The following DSCAM variants were observed in gnomAD, a reference collection of about 807,000 sequenced individuals.
DSCAM encodes the protein DS cell adhesion molecule.
DSCAM carries 47 observed loss-of-function variants against 217.7 expected under a neutral mutation model. The observed-to-expected ratio is 0.22, with a 90% confidence interval of 0.17 to 0.28. DSCAM has a LOEUF of 0.28. Ranked by LOEUF, DSCAM falls within the 10% of genes least tolerant of loss-of-function variation. The probability of loss-of-function intolerance (pLI) is 1.00; values close to 1 mark genes in which losing one functional copy is unlikely to be tolerated. For missense variants in DSCAM, 2,080 were observed against 2,618.3 expected (o/e 0.79, Z 4.49); for synonymous variants, 1,056 against 1,015.3 (o/e 1.04, Z -0.76).
chr21:40,169,002 T>C lies in DSCAM; in HGVS notation c.2948-1714A>G, dbSNP rs902674970. Among the ~76,000 whole-genome samples the C allele has an allele frequency of 2.8e-4, 43 of 152,232 alleles. 1 individual carries two copies. The East Asian group carries it at 4.1e-3, about 14-fold the overall frequency. On this transcript the variant is annotated intron_variant, in intron 15 of 32. Transcript: ENST00000400454. The stretch of plus-strand genomic sequence containing the variant: ...TAAGAAATCATAATCATAATATAAT[T>C]ATCATTAAGTGTTTGTAAATAGGGG...
In DSCAM at chr21:40,082,881, ACT is replaced by A. The variant is rs150966919; in HGVS notation, c.4231+1025_4231+1026del. Among the ~76,000 whole-genome samples the A allele has an allele frequency of 4.0e-4, 61 of 151,836 alleles. 2 individuals carry two copies. The East Asian group carries it at 0.012, about 30-fold the overall frequency. ...AAGCTGGGAAGGGATGTGGCACCTC[ACT>A]CTCGGAGCTGGAAGGAGCTGCTCCA... On this transcript the variant is annotated intron_variant, in intron 24 of 32. Coordinates refer to ENST00000400454, the MANE Select transcript of DSCAM (RefSeq NM_001389.5).
chr21:40,241,276 T>C (rs1029962823), intron 11 of DSCAM, among the ~76,000 whole-genome samples: 3 of 152,104 alleles, frequency 2.0e-5, no homozygotes, highest in Non-Finnish European at 4.4e-5. Context: ...TATAGGAATG[T>C]AAACAAATTT....
At chr21:40,404,789 C>T (rs1282972500) in intron 3 of DSCAM, among the ~76,000 whole-genome samples, 6 of 152,186 alleles carry the variant, frequency 3.9e-5, no homozygotes, top group Non-Finnish European at 7.3e-5. Context: ...CTAGGAAAGT[C>T]TCCTCAGTTT....
At chr21:40,658,874 A>G (rs1328926944) in intron 3 of DSCAM, among the ~76,000 whole-genome samples, 1 of 152,196 alleles carries the variant, frequency 6.6e-6, no homozygotes, top group Non-Finnish European at 1.5e-5. Context: ...TAAATTTAAG[A>G]CATTAGTCTT....
chr21:40,139,130 T>A (rs750861297), intron 18 of DSCAM, among the ~76,000 whole-genome samples: 34 of 150,940 alleles, frequency 2.3e-4, no homozygotes, highest in Admixed American at 4.6e-4. Context: ...ATGTGTGGTG[T>A]GTACATGTGG....
intron 1 of DSCAM, among the ~76,000 whole-genome samples, chr21:40,771,661 G>A (rs750634571): frequency 8.5e-5 from 13 of 152,206 alleles, no homozygotes; most frequent in Non-Finnish European, 1.5e-4. Context: ...TCAAGAGCCA[G>A]CGAAAGGAAG....
At chr21:40,366,399 T>G (rs1057442772) in intron 4 of DSCAM, among the ~76,000 whole-genome samples, 3 of 152,166 alleles carry the variant, frequency 2.0e-5, no homozygotes, top group African/African-American at 7.2e-5. Context: ...TCTGATGTGT[T>G]CCCTGTCATT....
In DSCAM at chr21:40,135,105, T is replaced by A. The variant is rs986540845; in HGVS notation, c.3407-1096A>T. ...TTTGGCTGATGGGTTTTGAAATGAG[T>A]CGCCTTCAGAGCATGAGAAGGGCCT... On this transcript the variant is annotated intron_variant, in intron 18 of 32. Transcript: ENST00000400454. Among the ~76,000 whole-genome samples, 3 of 152,256 alleles carry A rather than the reference T, an allele frequency of 2.0e-5. No homozygotes were observed. The South Asian group carries it at 6.2e-4, about 32-fold the overall frequency.
intron 5 of DSCAM, among the ~76,000 whole-genome samples, chr21:40,350,303 A>C (rs1040615443): frequency 4.6e-5 from 7 of 152,216 alleles, no homozygotes; most frequent in African/African-American, 1.7e-4. Flanking sequence ...TAATTAAACT[A>C]ATAAGCTTCT....
At chr21:40,846,396 A>G (rs2092145319) in intron 1 of DSCAM, among the ~76,000 whole-genome samples, 1 of 152,060 alleles carries the variant, frequency 6.6e-6, no homozygotes, top group Admixed American at 6.6e-5. Flanking sequence ...AGCGCCTTCC[A>G]ATGATTACAG....
intron 3 of DSCAM, among the ~76,000 whole-genome samples, chr21:40,422,548 A>G (rs1006563994): frequency 2.0e-5 from 3 of 152,198 alleles, no homozygotes; most frequent in Non-Finnish European, 4.4e-5. Flanking sequence ...AGGCTGAGGC[A>G]GGAGAATTGC....
intron 1 of DSCAM, among the ~76,000 whole-genome samples, chr21:40,710,807 C>T (rs2090771700): frequency 6.6e-6 from 1 of 152,202 alleles, no homozygotes; most frequent in African/African-American, 2.4e-5. Flanking sequence ...AAAGCAGGTG[C>T]ATACCTAGTT....
At chr21:40,584,013 A>G (rs2076925142) in intron 3 of DSCAM, among the ~76,000 whole-genome samples, 2 of 152,156 alleles carry the variant, frequency 1.3e-5, no homozygotes, top group Non-Finnish European at 2.9e-5. Flanking sequence ...GAATGAGGCA[A>G]AATTGCCAGT....
At chr21:40,749,740 A>G (rs1338326588) in intron 1 of DSCAM, among the ~76,000 whole-genome samples, 1 of 152,182 alleles carries the variant, frequency 6.6e-6, no homozygotes, top group African/African-American at 2.4e-5. Context: ...TCTAAAGGAA[A>G]TGAAATCAGT....
chr21:40,287,873 C>T (rs1455771197), intron 10 of DSCAM, among the ~76,000 whole-genome samples: 2 of 151,950 alleles, frequency 1.3e-5, no homozygotes, highest in East Asian at 3.9e-4. Flanking sequence ...TGTGTGTGCA[C>T]CAAATAATGG....
intron 3 of DSCAM, among the ~76,000 whole-genome samples, chr21:40,431,516 C>T (rs919135203): frequency 6.6e-5 from 10 of 152,202 alleles, no homozygotes; most frequent in African/African-American, 2.2e-4. Flanking sequence ...TATGACTCCT[C>T]AGCCTACTCA....
chr21:40,407,069 T>C (rs2075285441), intron 3 of DSCAM, among the ~76,000 whole-genome samples: 1 of 152,202 alleles, frequency 6.6e-6, no homozygotes, highest in Admixed American at 6.5e-5. Context: ...AAATATATTG[T>C]ACAACATAGC....
At chr21:40,292,206 T>G (rs1272589558) in intron 10 of DSCAM, among the ~76,000 whole-genome samples, 4 of 116,034 alleles carry the variant, frequency 3.4e-5, no homozygotes, top group African/African-American at 1.3e-4. Context: ...TTTTTTTTTT[T>G]GTAGCAAAGA....
At chr21:40,043,248 C>G (rs2088786195) in intron 31 of DSCAM, among the ~76,000 whole-genome samples, 1 of 152,158 alleles carries the variant, frequency 6.6e-6, no homozygotes, top group Admixed American at 6.5e-5. Flanking sequence ...AAACTGGTGC[C>G]CACATGCCTT....
Sources: allele counts gnomAD v4.1 joint callset (sites outside exome capture counted in the v4.1 genomes callset), GRCh38; gene constraint gnomAD v4.1.1; transcripts MANE v1.5; gene names NCBI Gene and HGNC (gene_info 2026-07-23, HGNC 2026-07-21).